The following CD47 variants were observed in gnomAD, a reference collection of about 807,000 sequenced individuals.
CD47 encodes the protein CD47 molecule.
In CD47, 11 loss-of-function variants were observed where a neutral mutation model predicts 44.6. The ratio of observed to expected loss-of-function variants is 0.25; its 90% CI spans 0.16 to 0.41. The LOEUF is 0.41. Among genes scored for constraint, CD47 ranks in the 10% least tolerant of loss-of-function variants. The probability of loss-of-function intolerance (pLI) is 1.00; values close to 1 mark genes in which losing one functional copy is unlikely to be tolerated. For synonymous variants in CD47, 140 were observed against 136.3 expected, an observed-to-expected ratio of 1.03 and a Z score of -0.19; for missense variants, 306 against 386.7, an observed-to-expected ratio of 0.79 and a Z score of 1.75.
At chr3:108,076,055 G>T (rs1226111089) in intron 2 of CD47, among the ~76,000 whole-genome samples, 2 of 152,158 alleles carry the variant, frequency 1.3e-5, no homozygotes, top group Non-Finnish European at 2.9e-5. Context: ...CCTAGAACAA[G>T]ACCCCAAACT....
intron 1 of CD47, among the ~76,000 whole-genome samples, chr3:108,083,185 T>G (rs1445810836): frequency 6.6e-6 from 1 of 152,064 alleles, no homozygotes; most frequent in African/African-American, 2.4e-5. Context: ...CCAAGAGTAA[T>G]GCCAGAGTTA....
At chr3:108,059,319 A>G (rs978552098) in intron 5 of CD47, 133 bp downstream of exon 5, 12 of 452,330 alleles carry the variant, frequency 2.7e-5, no homozygotes, top group Non-Finnish European at 4.8e-5. Flanking sequence ...TGTCACTAAG[A>G]ATAGCATGAA....
intron 2 of CD47, 143 bp from the exon 3 acceptor site, chr3:108,071,325 A>C (rs1189783479): frequency 1.9e-6 from 1 of 534,638 alleles, no homozygotes; most frequent in Non-Finnish European, 3.3e-6. Flanking sequence ...TTATTTATAC[A>C]TACACACATA....
At chr3:108,048,405 G>T (rs142886022) in intron 10 of CD47, among the ~76,000 whole-genome samples, 2 of 106,148 alleles carry the variant, frequency 1.9e-5, no homozygotes, top group South Asian at 3.4e-4. Flanking sequence ...TTTTTCTTGA[G>T]ACGGAGTCTT....
At chr3:108,053,596 C>A (rs1454716405) in intron 7 of CD47, 1 of 152,342 alleles carries the variant, frequency 6.6e-6, no homozygotes, top group African/African-American at 2.4e-5. Flanking sequence ...CATCACCTTA[C>A]TCTTGCTGCT....
At chr3:108,052,107 C>T in intron 7 of CD47, 137 bp from the exon 8 acceptor site, 1 of 542,050 alleles carries the variant, frequency 1.8e-6, no homozygotes. Flanking sequence ...AGTTCCAGCT[C>T]TGACAGTCTA....
chr3:108,049,561 G>A (rs1417873624), intron 10 of CD47, 58 bp downstream of exon 10: 15 of 1,093,474 alleles, frequency 1.4e-5, no homozygotes, highest in Non-Finnish European at 1.8e-5. Context: ...AAGCTTTTTT[G>A]TTTTCCAATG....
chr3:108,081,883 T>C (rs183423722), intron 1 of CD47, among the ~76,000 whole-genome samples: 20 of 152,072 alleles, frequency 1.3e-4, no homozygotes, highest in African/African-American at 4.6e-4. Flanking sequence ...TTCTGGGAAA[T>C]TGCAGTCTGA....
Position 108,090,936 on chromosome 3 carries a change from G to T in CD47, c.-28C>A. 1 of 1,453,852 alleles carries T rather than the reference G, an allele frequency of 6.9e-7. No homozygotes were observed. The highest frequency in any genetic ancestry group is 9.1e-7 in the Non-Finnish European group (1 of 1,102,460). The allele number at this position is 1,453,852 out of a possible 1,614,324, so 90.1% of individuals were successfully genotyped here. A position where few individuals can be genotyped will look rare whatever the true frequency, so the allele number is the denominator to read the frequency against. On this transcript the variant is annotated 5_prime_UTR_variant, in exon 1 of 11. Transcript: ENST00000361309. Reference sequence around the variant, plus strand: ...CCGCGCCCGCCGCGGGGTCGCCGCCGCCGCCGCAGGTGTCCGGAGCAGCAG... The same window carrying T: ...CCGCGCCCGCCGCGGGGTCGCCGCCTCCGCCGCAGGTGTCCGGAGCAGCAG...
intron 7 of CD47, among the ~76,000 whole-genome samples, chr3:108,057,073 T>A (rs1293777180): frequency 6.6e-6 from 1 of 152,180 alleles, no homozygotes; most frequent in African/African-American, 2.4e-5. Flanking sequence ...AGGACAGCTC[T>A]ATCACAGAAA....
chr3:108,090,971 C>CAGGTGT lies in CD47; in HGVS notation c.-64_-63insACACCT. On this transcript the variant is annotated 5_prime_UTR_variant, in exon 1 of 11. Transcript: ENST00000361309. ...GTGTCCGGAGCAGCAGCCGCCGCCG[C>CAGGTGT]CGTTACAGGCAGGACCGACCGCCGC... The CAGGTGT allele has an allele frequency of 7.9e-7, 1 of 1,266,882 alleles. No homozygotes were observed. Among genetic ancestry groups the CAGGTGT allele is most frequent in the African/African-American group, 1.6e-5 (1 of 63,734 alleles). 78.5% of individuals were successfully genotyped at this position (1,266,882 alleles called of 1,614,324 possible).
intron 10 of CD47, among the ~76,000 whole-genome samples, chr3:108,047,921 G>A (rs944051482): frequency 1.3e-5 from 2 of 152,112 alleles, no homozygotes; most frequent in African/African-American, 4.8e-5. Context: ...GTTTAAAAAA[G>A]TCACATCTTA....
intron 3 of CD47, among the ~76,000 whole-genome samples, chr3:108,064,644 T>A (rs150420561): frequency 0.011 from 1,706 of 152,176 alleles, 32 homozygotes; most frequent in African/African-American, 0.039. Flanking sequence ...CTGCAGTCCA[T>A]CCAACAAAAC....
At chr3:108,065,811 CAAAAAAAAAAAAAAAAAAA>C (rs58021560) in intron 3 of CD47, among the ~76,000 whole-genome samples, 5 of 61,160 alleles carry the variant, frequency 8.2e-5, no homozygotes, top group African/African-American at 2.6e-4. Context: ...GACTCCGTCT[CAAAAAAAAAAAAAAAAAAA>C]AAAAAAAAAA....
chr3:108,057,604 C>T (rs533803812), intron 6 of CD47, 35 bp from the exon 7 acceptor site: 2 of 1,027,720 alleles, frequency 1.9e-6, no homozygotes, highest in East Asian at 2.4e-5. Flanking sequence ...ATTAGAAAAG[C>T]ATATGAAATA....
At position 108,080,127 on chromosome 3, in the gene CD47, G is replaced by A. The variant is rs780855506; in HGVS notation, c.264C>T (p.Val88=). The part of the protein sequence containing the change: ...PTDFSSAKIE[V]SQLLKGDASL... Reference sequence around the variant, plus strand: ...AGGCATCTCCTTTTAGTAATTGTGAGACTTCAATTTTTGCACTACTAAAGT... The same window carrying A: ...AGGCATCTCCTTTTAGTAATTGTGAAACTTCAATTTTTGCACTACTAAAGT... Residue 88 remains valine, a synonymous_variant, in exon 2 of 11, where the codon GTC becomes GTT. Transcript: ENST00000361309. 6.2e-7 allele frequency: 1 copy of A among 1,612,926 alleles called. No individual in the cohort carries two copies. Among genetic ancestry groups the A allele is most frequent in the Non-Finnish European group, 8.5e-7 (1 of 1,179,034 alleles).
At chr3:108,056,674 A>G (rs1338507296) in intron 7 of CD47, among the ~76,000 whole-genome samples, 2 of 152,262 alleles carry the variant, frequency 1.3e-5, no homozygotes, top group African/African-American at 4.8e-5. Flanking sequence ...ACTAATATAA[A>G]TTACATTATT....
intron 1 of CD47, among the ~76,000 whole-genome samples, chr3:108,085,342 T>C (rs890225949): frequency 6.6e-6 from 1 of 152,144 alleles, no homozygotes; most frequent in Non-Finnish European, 1.5e-5. Context: ...CTGTATAACC[T>C]TAGGCAAGTT....
intron 3 of CD47, among the ~76,000 whole-genome samples, chr3:108,062,673 C>T (rs2108239565): frequency 6.8e-6 from 1 of 147,142 alleles, no homozygotes; most frequent in South Asian, 2.2e-4. Flanking sequence ...CAGAGTCTCT[C>T]ACTCCGTTAC....
Sources: allele counts gnomAD v4.1 joint callset (sites outside exome capture counted in the v4.1 genomes callset), GRCh38; gene constraint gnomAD v4.1.1; transcripts MANE v1.5; gene names NCBI Gene and HGNC (gene_info 2026-07-23, HGNC 2026-07-21).